Variants in ARFGEF1 observed in about 807,000 individuals in gnomAD.
ARFGEF1 encodes the protein ARF guanine nucleotide exchange factor 1, also known as brefeldin A-inhibited guanine nucleotide-exchange protein 1.
A neutral mutation model predicts 231.0 loss-of-function variants in ARFGEF1; 42 were observed. That is an observed-to-expected ratio of 0.18 (90% CI 0.14 to 0.24). ARFGEF1 has a LOEUF of 0.24. Ranked by LOEUF, ARFGEF1 falls within the 10% of genes least tolerant of loss-of-function variation. The pLI is 1.00. For missense variants in ARFGEF1, 1,345 were observed against 2,192.0 expected (o/e 0.61, Z 7.72); for synonymous variants, 710 against 732.3 (o/e 0.97, Z 0.49).
chr8:67,324,925 T>C (rs1807761670), intron 1 of ARFGEF1, among the ~76,000 whole-genome samples: 1 of 152,002 alleles, frequency 6.6e-6, no homozygotes, highest in Non-Finnish European at 1.5e-5. Flanking sequence ...CTTTTTTTTT[T>C]TTTTTGAGAC....
At chr8:67,251,745 A>G (rs1406612564) in intron 18 of ARFGEF1, among the ~76,000 whole-genome samples, 1 of 152,186 alleles carries the variant, frequency 6.6e-6, no homozygotes, top group Non-Finnish European at 1.5e-5. Context: ...TTGGAATTAG[A>G]GGTGGTAGTT....
At chr8:67,175,984 C>A (rs1217998569) in intron 5 of ARFGEF1, among the ~76,000 whole-genome samples, 1 of 151,680 alleles carries the variant, frequency 6.6e-6, no homozygotes, top group Admixed American at 6.6e-5. Flanking sequence ...GTGACATATG[C>A]TGCTGCTCTT....
chr8:67,219,693 G>T, intron 29 of ARFGEF1, 133 bp from the exon 30 acceptor site: 3 of 925,206 alleles, frequency 3.2e-6, no homozygotes, highest in Admixed American at 3.2e-5. Context: ...ATGACACTGG[G>T]TTTTAAAAAA....
intron 10 of ARFGEF1, among the ~76,000 whole-genome samples, chr8:67,267,647 G>C (rs1297926248): frequency 6.6e-6 from 1 of 152,138 alleles, no homozygotes; most frequent in Non-Finnish European, 1.5e-5. Context: ...TATCAGTACT[G>C]CAATTCACAT....
At chr8:67,286,609 C>T (rs1039645277) in intron 7 of ARFGEF1, among the ~76,000 whole-genome samples, 2 of 152,136 alleles carry the variant, frequency 1.3e-5, no homozygotes, top group African/African-American at 2.4e-5. Flanking sequence ...GCCCACAGGC[C>T]GTAATGTGCC....
chr8:67,190,888 G>C, intron 5 of ARFGEF1: 1 of 672,788 alleles, frequency 1.5e-6, no homozygotes. Context: ...CTGAATCTAG[G>C]CTCTGCCTTG....
intron 14 of ARFGEF1, among the ~76,000 whole-genome samples, chr8:67,261,175 T>C (rs1340630838): frequency 6.6e-6 from 1 of 152,136 alleles, no homozygotes; most frequent in Non-Finnish European, 1.5e-5. Context: ...GCTACGATCA[T>C]TTATGAAGGT....
intron 7 of ARFGEF1, among the ~76,000 whole-genome samples, chr8:67,279,316 T>A (rs1805440833): frequency 6.6e-6 from 1 of 152,138 alleles, no homozygotes; most frequent in Non-Finnish European, 1.5e-5. Flanking sequence ...TAGCTAAAAA[T>A]CAGGTAATTT....
At chr8:67,267,841 G>A (rs1280025717) in intron 10 of ARFGEF1, among the ~76,000 whole-genome samples, 1 of 152,084 alleles carries the variant, frequency 6.6e-6, no homozygotes, top group Admixed American at 6.6e-5. Flanking sequence ...CTAGTACTGA[G>A]AGGCCTAACT....
chr8:67,240,061 T>C (rs1839884259), intron 20 of ARFGEF1, 101 bp downstream of exon 20: 34 of 1,469,848 alleles, frequency 2.3e-5, no homozygotes, highest in Non-Finnish European at 3.1e-5. Context: ...TTGAAATTAG[T>C]TTTTAATGTC....
intron 7 of ARFGEF1, among the ~76,000 whole-genome samples, chr8:67,281,775 T>C (rs2128903428): frequency 6.6e-6 from 1 of 152,228 alleles, no homozygotes; most frequent in South Asian, 2.1e-4. Flanking sequence ...AATTTTTCTA[T>C]ATTCCAATTA....
chr8:67,302,379 G>T lies in ARFGEF1; in HGVS notation c.155+57C>A. The stretch of plus-strand genomic sequence containing the variant: ...AAAATACAGATGACTATATTATTTT[G>T]ACCAAGACTGACAAGTTTGAAAATT... On this transcript the variant is annotated intron_variant, in intron 2 of 38. Coordinates refer to ENST00000262215, the MANE Select transcript of ARFGEF1 (RefSeq NM_006421.5). The T allele has an allele frequency of 2.1e-6, 3 of 1,409,900 alleles. No individual in the cohort carries two copies. In the South Asian group the frequency reaches 4.2e-5, roughly 20 times the overall value. The allele number at this position is 1,409,900 out of a possible 1,614,324, so 87.3% of individuals were successfully genotyped here.
chr8:67,200,981 C>G (rs1434853788), intron 37 of ARFGEF1, among the ~76,000 whole-genome samples: 1 of 152,242 alleles, frequency 6.6e-6, no homozygotes, highest in Admixed American at 6.5e-5. Flanking sequence ...GGCCTCAGAA[C>G]ATCTATTCCG....
At chr8:67,237,623 T>C (rs760328809) in intron 22 of ARFGEF1, among the ~76,000 whole-genome samples, 9 of 152,234 alleles carry the variant, frequency 5.9e-5, no homozygotes, top group Non-Finnish European at 1.3e-4. Flanking sequence ...CCAGCCATTA[T>C]GCTAAGTCCA....
At chr8:67,272,645 A>T (rs2128897029) in intron 9 of ARFGEF1, among the ~76,000 whole-genome samples, 1 of 152,268 alleles carries the variant, frequency 6.6e-6, no homozygotes, top group Middle Eastern at 3.4e-3. Context: ...TTAATACACA[A>T]CAGTTCCAAT....
Position 67,343,343 on chromosome 8 carries a change from G to GGGAGGA in ARFGEF1, c.-62_-57dup. On this transcript the variant is annotated 5_prime_UTR_variant, in exon 1 of 39. Transcript: ENST00000262215. ...GACCCGCGGCTCCCAGCGGCTGGAG[G>GGGAGGA]GGAGGAGGAGGAGAGGAAGGAAGAG... 2 of 1,601,236 alleles carry GGGAGGA rather than the reference G, an allele frequency of 1.2e-6. No homozygotes were observed. The highest frequency in any genetic ancestry group is 4.5e-5 in the East Asian group (2 of 44,576).
chr8:67,181,119 C>T (rs1832918839), intron 5 of ARFGEF1, among the ~76,000 whole-genome samples: 2 of 151,894 alleles, frequency 1.3e-5, no homozygotes. Context: ...CTCACTACAG[C>T]CTCAAATTCC....
intron 27 of ARFGEF1, 46 bp from the exon 28 acceptor site, chr8:67,226,229 T>C: frequency 4.9e-6 from 7 of 1,419,514 alleles, no homozygotes; most frequent in Non-Finnish European, 6.5e-6. Context: ...TCAATTATTC[T>C]TAGCTGTACC....
chr8:67,212,024 A>G (rs1838769308), intron 33 of ARFGEF1, among the ~76,000 whole-genome samples: 1 of 152,136 alleles, frequency 6.6e-6, no homozygotes, highest in Admixed American at 6.5e-5. Context: ...CGTATCATGA[A>G]GAGATGCTGG....
Sources: allele counts gnomAD v4.1 joint callset (sites outside exome capture counted in the v4.1 genomes callset), GRCh38; gene constraint gnomAD v4.1.1; transcripts MANE v1.5; gene names NCBI Gene and HGNC (gene_info 2026-07-23, HGNC 2026-07-21).